KRT20: variants seen among roughly 807,000 people sequenced by gnomAD.
KRT20 encodes the protein keratin, type I cytoskeletal 20.
Under a neutral mutation model 43.0 loss-of-function variants are expected in KRT20, and 41 were observed. The observed-to-expected ratio is 0.95, with a 90% CI of 0.74 to 1.24. The LOEUF (loss-of-function observed/expected upper bound fraction) is 1.24, where lower values mean the gene tolerates loss of function less well. KRT20 is among the 50% of genes most tolerant of loss of function. KRT20 has a pLI of 0.00. For synonymous variants in KRT20, 207 were observed against 200.6 expected, an observed-to-expected ratio of 1.03 and a Z score of -0.27; for missense variants, 533 against 521.2, an observed-to-expected ratio of 1.02 and a Z score of -0.22.
At chr17:40,878,824 C>T (rs1011811975) in intron 5 of KRT20, among the ~76,000 whole-genome samples, 5 of 145,378 alleles carry the variant, frequency 3.4e-5, no homozygotes, top group East Asian at 2.0e-4. Flanking sequence ...TTTTTTGGGA[C>T]GGAGTCTTGC....
At chr17:40,883,439 G>A (rs1057060461) in intron 1 of KRT20, among the ~76,000 whole-genome samples, 1 of 152,072 alleles carries the variant, frequency 6.6e-6, no homozygotes, top group African/African-American at 2.4e-5. Context: ...CTGTGTGCTG[G>A]TCCCTCTGTC....
rs2040353912 is a variant in KRT20 at position 40,876,109 on chromosome 17, G to T, written c.*252C>A. ...AATTGATGTGCTTCATGATAAAGAT[G>T]GCAGTAATGATGTTTTAAATATTCT... On this transcript the variant is annotated 3_prime_UTR_variant, in exon 8 of 8. Coordinates refer to ENST00000167588, the MANE Select transcript of KRT20 (RefSeq NM_019010.3). 2.8e-6 allele frequency: 1 copy of T among 362,228 alleles called. No homozygotes were observed. 22.4% of individuals were successfully genotyped at this position (362,228 alleles called of 1,614,324 possible).
In KRT20 at chr17:40,880,780, A is replaced by G. The variant is rs753871882; in HGVS notation, c.474-10T>C. ...TCTCTCAGTCTCATACCTGTGAATT[A>G]ATTAGTGTACAGAGATAACTGGTCC... is the stretch of plus-strand genomic sequence containing the variant. On this transcript the variant is annotated splice_polypyrimidine_tract_variant and intron_variant, in intron 2 of 7. Transcript: ENST00000167588. The G allele has an allele frequency of 6.6e-6, 10 of 1,515,956 alleles. No homozygotes were observed. The highest frequency in any genetic ancestry group is 8.8e-6 in the Non-Finnish European group (10 of 1,133,754). 93.9% of individuals were successfully genotyped at this position (1,515,956 alleles called of 1,614,324 possible).
In KRT20 at chr17:40,876,135, A is replaced by G. The variant is rs149074266; in HGVS notation, c.*226T>C. On this transcript the variant is annotated 3_prime_UTR_variant, in exon 8 of 8. Transcript: ENST00000167588. ...GCAGTAATGATGTTTTAAATATTCT[A>G]GTGCTCACTGGATTTCATTTTTGCA... 5.4e-5 allele frequency: 23 copies of G among 428,120 alleles called. No homozygotes were observed. In the East Asian group the frequency reaches 7.6e-4, roughly 14 times the overall value. 26.5% of individuals were successfully genotyped at this position (428,120 alleles called of 1,614,324 possible).
rs776009228 is a variant in KRT20, at chr17:40,880,733, C to G, written c.511G>C (p.Ala171Pro). 2.5e-6 allele frequency: 4 copies of G among 1,590,134 alleles called. No homozygotes were observed. Among genetic ancestry groups the G allele is most frequent in the Non-Finnish European group, 3.4e-6 (4 of 1,168,780 alleles). The change falls in exon 3 of 8, where the codon GCT becomes CCT. Residue 171 changes from alanine (A) to proline (P), a missense_variant. Ala to Pro is a conservative substitution (Grantham distance 27, BLOSUM62 -1). Coordinates refer to ENST00000167588, the MANE Select transcript of KRT20 (RefSeq NM_019010.3). ...ACCTTATTCAGGCCTTGGAGATCAG[C>G]TTCCACTGTTAGACGTATTCCTCTC... ...TERGIRLTVE[A>P]DLQGLNKVFD...
rs186762540 is a variant in KRT20 at position 40,883,303 on chromosome 17, C to A, written c.391-649G>T. Among the ~76,000 whole-genome samples the A allele has an allele frequency of 2.0e-4, 30 of 152,244 alleles. No individual in the cohort carries two copies. In the East Asian group the frequency reaches 4.3e-3, roughly 22 times the overall value. Reference sequence around the variant, plus strand: ...TTTCTACTTAGGACATTTCTTTTAGCCCCTGTGGTCTGGTGAACTCCCATT... The same window carrying A: ...TTTCTACTTAGGACATTTCTTTTAGACCCTGTGGTCTGGTGAACTCCCATT... On this transcript the variant is annotated intron_variant, in intron 1 of 7. Coordinates refer to ENST00000167588, the MANE Select transcript of KRT20 (RefSeq NM_019010.3).
chr17:40,881,138 G>A lies in KRT20; in HGVS notation c.474-368C>T, dbSNP rs181994805. 1.2e-3 allele frequency among the ~76,000 whole-genome samples: 180 copies of A among 152,022 alleles called. 1 individual carries two copies. Among genetic ancestry groups the A allele is most frequent in the East Asian group, 5.8e-4 (3 of 5,182 alleles). ...TTTTACTTAATGAATGTACATGATC[G>A]ATTTATTTTTATTACTTTGTGAACA... On this transcript the variant is annotated intron_variant, in intron 2 of 7. Transcript: ENST00000167588.
chr17:40,884,887 A>G lies in KRT20; in HGVS notation c.299T>C (p.Val100Ala). Residue 100 changes from valine to alanine, a missense_variant, in exon 1 of 8, where the codon GTG (valine) becomes GCG (alanine). Physicochemically the swap from Val to Ala is moderately conservative, Grantham distance 64. Coordinates refer to ENST00000167588, the MANE Select transcript of KRT20 (RefSeq NM_019010.3). ...GGTTTCGTACCACTGCTTGATTTGC[A>G]CTTCAAGTTTGGAGTTGGACTGCTC... ...TLEQSNSKLE[V>A]QIKQWYETNA... 6 of 1,614,122 alleles carry G rather than the reference A, an allele frequency of 3.7e-6. No individual in the cohort carries two copies. Among genetic ancestry groups the G allele is most frequent in the South Asian group, 2.2e-5 (2 of 91,074 alleles).
chr17:40,878,010 T>A (rs1907419931), intron 6 of KRT20, 135 bp downstream of exon 6: 1 of 763,372 alleles, frequency 1.3e-6, no homozygotes, highest in South Asian at 1.7e-5. Context: ...GTTTTGTTGT[T>A]CGTGGTGAGG....
chr17:40,876,592 CA>C lies in KRT20; in HGVS notation c.1178-135del, dbSNP rs1907355909. 12 of 481,848 alleles carry C rather than the reference CA, an allele frequency of 2.5e-5. No individual in the cohort carries two copies. In the East Asian group the frequency reaches 3.9e-4, roughly 16 times the overall value. The allele number at this position is 481,848 out of a possible 1,614,324, so 29.8% of individuals were successfully genotyped here. ...AATATGTTAAACCCATCCTCTTTCT[CA>C]AAAAATCTTAAGTCCATTTTATAAA... On this transcript the variant is annotated intron_variant, in intron 7 of 7. Coordinates refer to ENST00000167588, the MANE Select transcript of KRT20 (RefSeq NM_019010.3).
At chr17:40,881,632 T>C (rs532078719) in intron 2 of KRT20, among the ~76,000 whole-genome samples, 1 of 152,190 alleles carries the variant, frequency 6.6e-6, no homozygotes, top group Non-Finnish European at 1.5e-5. Context: ...TTGGAAGTAA[T>C]GCACCTTTAC....
chr17:40,883,751 T>A (rs1165106742), intron 1 of KRT20, among the ~76,000 whole-genome samples: 10 of 152,120 alleles, frequency 6.6e-5, no homozygotes, highest in African/African-American at 2.4e-4. Flanking sequence ...CAAACTAGAG[T>A]CAGAAACACG....
At position 40,880,790 on chromosome 17, in the gene KRT20, C is replaced by T. The variant is rs1207702496; in HGVS notation, c.474-20G>A. ...TCATACCTGTGAATTAATTAGTGTA[C>T]AGAGATAACTGGTCCTTCTGAAGCC... On this transcript the variant is annotated intron_variant, in intron 2 of 7. Transcript: ENST00000167588. 2.9e-5 allele frequency: 43 copies of T among 1,484,408 alleles called. No homozygotes were observed. Among genetic ancestry groups the T allele is most frequent in the Non-Finnish European group, 3.8e-5 (43 of 1,117,066 alleles). 92.0% of individuals were successfully genotyped at this position (1,484,408 alleles called of 1,614,324 possible). A position where few individuals can be genotyped will look rare whatever the true frequency, so the allele number is the denominator to read the frequency against.
chr17:40,878,118 C>A (rs1166901212), intron 6 of KRT20, 27 bp downstream of exon 6: 2 of 1,560,234 alleles, frequency 1.3e-6, no homozygotes, highest in South Asian at 1.1e-5. Context: ...GATATTGACA[C>A]CTATTCCTTG....
rs1347501402 is a variant in KRT20, at chr17:40,880,613, C to A, written c.630+1G>T. 6 of 1,612,300 alleles carry A rather than the reference C, an allele frequency of 3.7e-6. No homozygotes were observed. In the South Asian group the frequency reaches 6.6e-5, roughly 18 times the overall value. On this transcript the variant is annotated splice_donor_variant, in intron 3 of 7. Coordinates refer to ENST00000167588, the MANE Select transcript of KRT20 (RefSeq NM_019010.3). LOFTEE classifies it high-confidence loss of function. ...AATACCACTTCTGAATATTTTCTCA[C>A]CTCCTGATGCTCCTTTTTGAGGAGA...
intron 2 of KRT20, 157 bp downstream of exon 2, chr17:40,882,415 G>A (rs1481272794): frequency 9.3e-6 from 3 of 322,416 alleles, no homozygotes; most frequent in African/African-American, 6.6e-5. Flanking sequence ...TGCTGGGTTA[G>A]CTTCATACAT....
At chr17:40,879,311 C>T (rs1907483748) in intron 5 of KRT20, among the ~76,000 whole-genome samples, 1 of 152,130 alleles carries the variant, frequency 6.6e-6, no homozygotes, top group Non-Finnish European at 1.5e-5. Context: ...TGTCTCTAGT[C>T]CATTCTCCAT....
rs1253646637 is a variant in KRT20 at position 40,880,164 on chromosome 17, C to T, written c.728G>A (p.Arg243Lys). ...LNLGVIMNEM[R>K]QKYEVMAQKN... ...CTGGGCCATGACTTCATACTTCTGC[C>T]TCATTTCATTCATGATGACGCCAAG... is the stretch of plus-strand genomic sequence containing the variant. The change falls in exon 4 of 8, where the codon AGG becomes AAG. Residue 243 changes from arginine (R) to lysine (K), a missense_variant. Coordinates refer to ENST00000167588, the MANE Select transcript of KRT20 (RefSeq NM_019010.3). 6.2e-7 allele frequency: 1 copy of T among 1,614,006 alleles called. No individual in the cohort carries two copies. The highest frequency in any genetic ancestry group is 1.3e-5 in the African/African-American group (1 of 74,894).
chr17:40,876,633 G>T (rs971999967), intron 7 of KRT20, among the ~76,000 whole-genome samples, 175 bp from the exon 8 acceptor site: 2 of 152,054 alleles, frequency 1.3e-5, no homozygotes, highest in African/African-American at 4.8e-5. Flanking sequence ...TGCAGAAAAT[G>T]TGCTTCTCCC....
Sources: gnomAD v4.1 joint callset for allele counts (sites outside exome capture counted in the v4.1 genomes callset) on GRCh38, gnomAD v4.1.1 for gene constraint, MANE v1.5 for transcripts, NCBI Gene and HGNC (gene_info 2026-07-23, HGNC 2026-07-21) for gene names.